Variants in MSRB3 observed in about 807,000 individuals in gnomAD.
MSRB3 encodes methionine sulfoxide reductase B3.
Under a neutral mutation model 21.0 loss-of-function variants are expected in MSRB3, and 13 were observed. That is an observed-to-expected ratio of 0.62 (90% CI 0.40 to 0.98). The LOEUF is 0.98. Ranked by LOEUF, MSRB3 falls within the 50% of genes least tolerant of loss-of-function variation. The pLI, the probability that MSRB3 is intolerant of heterozygous loss-of-function variation, is 0.00. For synonymous variants in MSRB3, 87 were observed against 88.6 expected, an observed-to-expected ratio of 0.98 and a Z score of 0.10; for missense variants, 199 against 230.3, an observed-to-expected ratio of 0.86 and a Z score of 0.88.
intron 1 of MSRB3, among the ~76,000 whole-genome samples, chr12:65,301,107 GAC>G (rs941361737): frequency 1.3e-5 from 2 of 152,108 alleles, no homozygotes; most frequent in Admixed American, 1.3e-4. Context: ...CACACACACA[GAC>G]ACACACATAC....
intron 5 of MSRB3, among the ~76,000 whole-genome samples, chr12:65,414,517 A>G (rs1049008638): frequency 6.6e-6 from 1 of 152,226 alleles, no homozygotes; most frequent in Non-Finnish European, 1.5e-5. Context: ...TATTCAGTAC[A>G]GCAACATGCC....
At position 65,442,707 on chromosome 12, in the gene MSRB3, A is replaced by T. The variant is rs537350343; in HGVS notation, c.293-11021A>T. ...AAATAAAATAATCATCTAAAGTTGA[A>T]TGTTTTTGGATCAAGGTTACTAGGT... On this transcript the variant is annotated intron_variant, in intron 5 of 6. Transcript: ENST00000308259. 9.9e-5 allele frequency among the ~76,000 whole-genome samples: 15 copies of T among 152,232 alleles called. No homozygotes were observed. The South Asian group carries it at 3.1e-3, about 32-fold the overall frequency.
intron 1 of MSRB3, chr12:65,279,104 G>A: frequency 7.2e-7 from 1 of 1,384,308 alleles, no homozygotes. Context: ...CCGCCGAAGG[G>A]AGGCGTCTGG....
At chr12:65,359,095 T>C (rs2136513198) in intron 4 of MSRB3, among the ~76,000 whole-genome samples, 2 of 152,110 alleles carry the variant, frequency 1.3e-5, no homozygotes, top group East Asian at 3.9e-4. Context: ...TTTTATAACT[T>C]ATAGTTACCA....
intron 4 of MSRB3, among the ~76,000 whole-genome samples, chr12:65,360,866 A>G (rs1000153687): frequency 6.6e-6 from 1 of 152,284 alleles, no homozygotes; most frequent in East Asian, 1.9e-4. Flanking sequence ...TGTTTTAAGA[A>G]CAAATAAGAT....
At chr12:65,415,989 A>G (rs768004145) in intron 5 of MSRB3, among the ~76,000 whole-genome samples, 4 of 152,326 alleles carry the variant, frequency 2.6e-5, no homozygotes, top group East Asian at 3.9e-4. Context: ...ATCTAGCACT[A>G]TTTGTGTGTG....
intron 5 of MSRB3, among the ~76,000 whole-genome samples, chr12:65,421,959 C>G (rs901936938): frequency 7.9e-5 from 12 of 152,130 alleles, no homozygotes; most frequent in Admixed American, 7.2e-4. Context: ...AAACAAGACT[C>G]AATGGTATGC....
intron 4 of MSRB3, among the ~76,000 whole-genome samples, chr12:65,357,581 C>T (rs1877460941): frequency 2.0e-5 from 3 of 151,874 alleles, no homozygotes; most frequent in Admixed American, 1.3e-4. Flanking sequence ...ACCTAATGTC[C>T]TTTTTCTGTT....
At chr12:65,390,818 G>T (rs565842828) in intron 5 of MSRB3, among the ~76,000 whole-genome samples, 1 of 152,202 alleles carries the variant, frequency 6.6e-6, no homozygotes, top group East Asian at 1.9e-4. Flanking sequence ...ATTGTGGTAA[G>T]ATTGCAGTTG....
At chr12:65,438,108 T>A (rs1405155651) in intron 5 of MSRB3, among the ~76,000 whole-genome samples, 1 of 151,954 alleles carries the variant, frequency 6.6e-6, no homozygotes, top group East Asian at 1.9e-4. Context: ...CACTTTTATT[T>A]GTGTTATTTA....
At chr12:65,378,578 G>C (rs549254102) in intron 5 of MSRB3, among the ~76,000 whole-genome samples, 1 of 152,302 alleles carries the variant, frequency 6.6e-6, no homozygotes, top group African/African-American at 2.4e-5. Flanking sequence ...GTTTGTATAT[G>C]GTTGCGATGT....
chr12:65,414,623 A>G (rs1880880722), intron 5 of MSRB3, among the ~76,000 whole-genome samples: 1 of 152,198 alleles, frequency 6.6e-6, no homozygotes, highest in African/African-American at 2.4e-5. Flanking sequence ...ACTCTGTGAC[A>G]TTTATATAAC....
At chr12:65,335,612 G>A (rs1875713957) in intron 4 of MSRB3, among the ~76,000 whole-genome samples, 1 of 151,826 alleles carries the variant, frequency 6.6e-6, no homozygotes, top group African/African-American at 2.4e-5. Context: ...ATGCAATTTT[G>A]TGTGTGTGTG....
chr12:65,279,645 C>T (rs1203660936), intron 1 of MSRB3: 3 of 152,152 alleles, frequency 2.0e-5, no homozygotes, highest in Admixed American at 1.3e-4. Flanking sequence ...TGGTTTAGGG[C>T]TAATAGCTAT....
chr12:65,422,045 G>A (rs1265264866), intron 5 of MSRB3, among the ~76,000 whole-genome samples: 24 of 152,012 alleles, frequency 1.6e-4, no homozygotes, highest in Non-Finnish European at 5.9e-5. Context: ...AACCTACCAA[G>A]CAAATGGAAA....
chr12:65,334,026 C>G lies in MSRB3; in HGVS notation c.263+5423C>G, dbSNP rs1401048580. Reference sequence around the variant, plus strand: ...AGGAAATAGGGATGTTAATTAACAGCCTCAGTGGGAACTCTTTTTTTTCCT... The same window carrying G: ...AGGAAATAGGGATGTTAATTAACAGGCTCAGTGGGAACTCTTTTTTTTCCT... On this transcript the variant is annotated intron_variant, in intron 4 of 6. Transcript: ENST00000308259. 7.2e-5 allele frequency among the ~76,000 whole-genome samples: 11 copies of G among 152,180 alleles called. No individual in the cohort carries two copies. The East Asian group carries it at 1.7e-3, about 24-fold the overall frequency.
intron 5 of MSRB3, among the ~76,000 whole-genome samples, chr12:65,375,802 T>A (rs80071251): frequency 6.1e-5 from 9 of 146,404 alleles, no homozygotes; most frequent in Non-Finnish European, 1.2e-4. Context: ...CTTAGGAAGC[T>A]TTTTTTTTTT....
intron 1 of MSRB3, among the ~76,000 whole-genome samples, chr12:65,290,779 T>C (rs1302323304): frequency 6.7e-6 from 1 of 149,514 alleles, no homozygotes; most frequent in Non-Finnish European, 1.5e-5. Flanking sequence ...GATGAATCAC[T>C]TAATCTTCCT....
At chr12:65,363,571 T>C (rs2136522368) in intron 4 of MSRB3, among the ~76,000 whole-genome samples, 1 of 152,328 alleles carries the variant, frequency 6.6e-6, no homozygotes, top group South Asian at 2.1e-4. Flanking sequence ...TTCATTTTCA[T>C]GTTTAAAAAT....
Sources: allele counts gnomAD v4.1 joint callset (sites outside exome capture counted in the v4.1 genomes callset), GRCh38; gene constraint gnomAD v4.1.1; transcripts MANE v1.5; gene names NCBI Gene and HGNC (gene_info 2026-07-23, HGNC 2026-07-21).